Variants in BMAL1 observed in about 807,000 individuals in gnomAD.
BMAL1 encodes basic helix-loop-helix ARNT like 1, also known as basic helix-loop-helix ARNT-like protein 1.
chr11:13,325,491 A>G, the BMAL1 span, among the ~76,000 whole-genome samples: 1 of 151,802 alleles, frequency 6.6e-6, no homozygotes, highest in Non-Finnish European at 1.5e-5. Flanking sequence ...ACTGTGCTCA[A>G]GTTCCAGGTG....
the BMAL1 span, among the ~76,000 whole-genome samples, chr11:13,318,406 C>G: frequency 6.6e-6 from 1 of 151,920 alleles, no homozygotes; most frequent in African/African-American, 2.4e-5. Context: ...TTCAGCAAGG[C>G]TTATATAGCA....
the BMAL1 span, chr11:13,381,093 T>C: frequency 6.6e-7 from 1 of 1,508,058 alleles, no homozygotes; most frequent in African/African-American, 1.4e-5. Flanking sequence ...TTCTCACCTT[T>C]ACCCCTTAAC....
At chr11:13,287,342 C>G in the BMAL1 span, among the ~76,000 whole-genome samples, 1 of 152,040 alleles carries the variant, frequency 6.6e-6, no homozygotes, top group African/African-American at 2.4e-5. Flanking sequence ...TTTTTCCTTA[C>G]TTGAAGGCAT....
chr11:13,336,694 T>G, the BMAL1 span, among the ~76,000 whole-genome samples: 1 of 152,220 alleles, frequency 6.6e-6, no homozygotes, highest in Non-Finnish European at 1.5e-5. Context: ...AGCAGTGTTG[T>G]GTGCCTGTTG....
the BMAL1 span, among the ~76,000 whole-genome samples, chr11:13,371,439 C>T: frequency 7.2e-5 from 11 of 152,184 alleles, no homozygotes; most frequent in African/African-American, 2.7e-4. Flanking sequence ...TCTGCTCCCT[C>T]TCATCTTCAC....
chr11:13,347,240 G>A, the BMAL1 span, among the ~76,000 whole-genome samples: 1 of 151,906 alleles, frequency 6.6e-6, no homozygotes, highest in Non-Finnish European at 1.5e-5. Context: ...AATTAGCTAC[G>A]TATGGTGGCA....
At chr11:13,300,969 C>T in the BMAL1 span, among the ~76,000 whole-genome samples, 2 of 152,148 alleles carry the variant, frequency 1.3e-5, no homozygotes, top group Non-Finnish European at 2.9e-5. Flanking sequence ...GATGGAGTCT[C>T]GTTCTGTCAC....
At chr11:13,302,384 C>T in the BMAL1 span, among the ~76,000 whole-genome samples, 3 of 152,150 alleles carry the variant, frequency 2.0e-5, no homozygotes, top group Non-Finnish European at 2.9e-5. Context: ...TCCCTGTCCT[C>T]TTATCTGTAG....
the BMAL1 span, among the ~76,000 whole-genome samples, chr11:13,311,994 C>G: frequency 6.6e-6 from 1 of 152,144 alleles, no homozygotes; most frequent in African/African-American, 2.4e-5. Flanking sequence ...AATTATGTAT[C>G]AATTTGTGCT....
At chr11:13,285,707 A>T in the BMAL1 span, among the ~76,000 whole-genome samples, 1 of 152,144 alleles carries the variant, frequency 6.6e-6, no homozygotes, top group Admixed American at 6.5e-5. Context: ...TGCCTCTTTT[A>T]TACTCCCTTT....
chr11:13,369,110 T>TC, the BMAL1 span, among the ~76,000 whole-genome samples: 1 of 152,182 alleles, frequency 6.6e-6, no homozygotes, highest in African/African-American at 2.4e-5. Context: ...TGATCATGCA[T>TC]CCAGGGTATT....
chr11:13,277,438 A>C, the BMAL1 span, among the ~76,000 whole-genome samples: 1 of 152,196 alleles, frequency 6.6e-6, no homozygotes, highest in South Asian at 2.1e-4. Context: ...CGAGGAACCC[A>C]GGGAGCGCGC....
At chr11:13,367,718 A>G in the BMAL1 span, among the ~76,000 whole-genome samples, 2 of 151,460 alleles carry the variant, frequency 1.3e-5, no homozygotes, top group Non-Finnish European at 2.9e-5. Context: ...AAAAAAAAAA[A>G]AAAAAAAAAG....
At chr11:13,348,304 G>A in the BMAL1 span, among the ~76,000 whole-genome samples, 1 of 152,192 alleles carries the variant, frequency 6.6e-6, no homozygotes, top group South Asian at 2.1e-4. Flanking sequence ...TTGGGCTGAA[G>A]ACTAAGCAGT....
the BMAL1 span, chr11:13,277,832 G>C: frequency 1.3e-5 from 2 of 152,440 alleles, no homozygotes; most frequent in South Asian, 2.1e-4. Context: ...GGTCAGGGAC[G>C]GAGGTGCCTG....
chr11:13,284,256 ATATATATATATT>A, the BMAL1 span, among the ~76,000 whole-genome samples: 7 of 25,026 alleles, frequency 2.8e-4, 2 homozygotes, highest in African/African-American at 1.2e-3. Flanking sequence ...ATATATATAT[ATATATATATATT>A]TTTTTTTTTA....
At chr11:13,292,670 C>A in the BMAL1 span, among the ~76,000 whole-genome samples, 1 of 152,012 alleles carries the variant, frequency 6.6e-6, no homozygotes, top group Admixed American at 6.5e-5. Context: ...CCAGGTGAGT[C>A]CCTCTGTTAA....
At chr11:13,361,756 C>T in the BMAL1 span, among the ~76,000 whole-genome samples, 1 of 152,110 alleles carries the variant, frequency 6.6e-6, no homozygotes, top group East Asian at 1.9e-4. Flanking sequence ...TCAATAGGAA[C>T]CAGGTTCTTT....
the BMAL1 span, among the ~76,000 whole-genome samples, chr11:13,359,532 T>G: frequency 6.6e-6 from 1 of 152,192 alleles, no homozygotes; most frequent in African/African-American, 2.4e-5. Context: ...TGGAAAAAAG[T>G]GGCAAATCTC....
Sources: gnomAD v4.1 joint callset for allele counts (sites outside exome capture counted in the v4.1 genomes callset) on GRCh38, gnomAD v4.1.1 for gene constraint, MANE v1.5 for transcripts, NCBI Gene and HGNC (gene_info 2026-07-23, HGNC 2026-07-21) for gene names.